The following CD163L1 variants were observed in gnomAD, a reference collection of about 807,000 sequenced individuals.
CD163L1 encodes the protein CD163 molecule like 1.
A neutral mutation model predicts 165.4 loss-of-function variants in CD163L1; 124 were observed. That is an observed-to-expected ratio of 0.75 (90% CI 0.65 to 0.87). CD163L1 has a LOEUF of 0.87. CD163L1 is among the 40% of genes least tolerant of loss of function. The probability of loss-of-function intolerance (pLI) is 0.00; values close to 1 mark genes in which losing one functional copy is unlikely to be tolerated. For missense variants in CD163L1, 1,525 were observed against 1,799.9 expected (o/e 0.85, Z 2.76); for synonymous variants, 585 against 662.2 (o/e 0.88, Z 1.79).
rs1176498743 is a variant in CD163L1 at position 7,400,893 on chromosome 12, A to G, written c.1409-2309T>C. Among the ~76,000 whole-genome samples, 1 of 152,124 alleles carries G rather than the reference A, an allele frequency of 6.6e-6. No individual in the cohort carries two copies. Among genetic ancestry groups the G allele is most frequent in the Non-Finnish European group, 1.5e-5 (1 of 68,022 alleles). The stretch of plus-strand genomic sequence containing the variant: ...GGGGGATTATGTATTTTATAAAGGG[A>G]CTCTATAAAATACACAGAGTTCTTA... On this transcript the variant is annotated intron_variant, in intron 6 of 19. Coordinates refer to ENST00000313599, the MANE Select transcript of CD163L1 (RefSeq NM_174941.6). This position sits in a 1 kb window ranked among gnomAD's most constrained non-coding sequence, Gnocchi z 4.1.
downstream of CD163L1, among the ~76,000 whole-genome samples, chr12:7,354,769 G>C (rs1177469829): frequency 1.3e-5 from 2 of 152,088 alleles, no homozygotes; most frequent in Admixed American, 6.6e-5. Context: ...ACTCACATAA[G>C]GGAAGGACAG....
At chr12:7,437,446 AT>A (rs1264213783) in intron 2 of CD163L1, among the ~76,000 whole-genome samples, 1 of 151,500 alleles carries the variant, frequency 6.6e-6, no homozygotes, top group African/African-American at 2.4e-5. Flanking sequence ...TTAACTTATC[AT>A]TTACATTAGG....
chr12:7,327,901 TA>T, the CD163L1 span, among the ~76,000 whole-genome samples: 1 of 152,044 alleles, frequency 6.6e-6, no homozygotes, highest in Non-Finnish European at 1.5e-5. Context: ...AAATTATCCC[TA>T]AAAATCTTCC....
intron 8 of CD163L1, among the ~76,000 whole-genome samples, chr12:7,391,804 A>G (rs1168819007): frequency 6.6e-6 from 1 of 152,196 alleles, no homozygotes; most frequent in Non-Finnish European, 1.5e-5. Context: ...CTTTAAACCA[A>G]CGAAGATCAA....
rs1430201873 is a variant in CD163L1, at chr12:7,369,197, T to A, written c.4039+160A>T. 3.9e-5 allele frequency among the ~76,000 whole-genome samples: 6 copies of A among 152,182 alleles called. No individual in the cohort carries two copies. ...GCTATTTTAGATAACAGTGGAACAT[T>A]ATCTTATTTAGTTGTGGAAAAACGT... On this transcript the variant is annotated intron_variant, in intron 15 of 19. Transcript: ENST00000313599. The surrounding 1 kb of genome is among the most constrained non-coding windows in gnomAD (Gnocchi z 4.9).
At chr12:7,386,618 A>C (rs1448413693) in intron 8 of CD163L1, among the ~76,000 whole-genome samples, 2 of 151,804 alleles carry the variant, frequency 1.3e-5, no homozygotes, top group African/African-American at 4.8e-5. Context: ...AAAAAAAAAA[A>C]AAACAGTATA....
chr12:7,345,132 CTTT>C (rs75576901), downstream of CD163L1, among the ~76,000 whole-genome samples: 8 of 138,988 alleles, frequency 5.8e-5, no homozygotes, highest in Admixed American at 1.4e-4. Context: ...ACTGATAATG[CTTT>C]TTTTTTTTTT....
chr12:7,416,700 T>C (rs961480277), intron 4 of CD163L1, among the ~76,000 whole-genome samples: 1 of 152,206 alleles, frequency 6.6e-6, no homozygotes, highest in African/African-American at 2.4e-5. Context: ...CTTGTTTTTG[T>C]CAGGTTTGTC....
In CD163L1 at chr12:7,406,769, C is replaced by T; in HGVS notation, c.850G>A (p.Gly284Arg). ...RVELKIQGRW[G>R]TVCHHKWNNA... ...TTCCACTTATGGTGGCATACGGTCC[C>T]CCACCTTCCTTGGATTTTCAGCTCT... is the stretch of plus-strand genomic sequence containing the variant. Residue 284 changes from glycine (G) to arginine (R), a missense_variant, in exon 5 of 20, where the codon GGG becomes AGG. Transcript: ENST00000313599. 1.2e-6 allele frequency: 2 copies of T among 1,613,932 alleles called. No homozygotes were observed. Among genetic ancestry groups the T allele is most frequent in the Non-Finnish European group, 1.7e-6 (2 of 1,179,942 alleles).
intron 8 of CD163L1, among the ~76,000 whole-genome samples, chr12:7,389,960 T>TTA (rs59235889): frequency 0.15 from 19,796 of 135,766 alleles, 1,642 homozygotes; most frequent in Admixed American, 0.28. Context: ...ATATATATAT[T>TTA]TATATATATA....
intron 2 of CD163L1, among the ~76,000 whole-genome samples, chr12:7,435,617 A>G (rs780591163): frequency 7.9e-5 from 12 of 152,068 alleles, no homozygotes; most frequent in Non-Finnish European, 1.2e-4. Flanking sequence ...ATATATTTGA[A>G]AATATATATA....
chr12:7,441,570 T>G (rs1302282173), intron 1 of CD163L1, among the ~76,000 whole-genome samples: 1 of 152,240 alleles, frequency 6.6e-6, no homozygotes, highest in Admixed American at 6.5e-5. Flanking sequence ...TAATTTTTAC[T>G]TCTCAACTCT....
chr12:7,424,251 G>A (rs1348388510), intron 4 of CD163L1, among the ~76,000 whole-genome samples: 2 of 148,188 alleles, frequency 1.3e-5, no homozygotes, highest in African/African-American at 5.0e-5. Flanking sequence ...AATAGATGCA[G>A]AAAAGGTCTT....
intron 8 of CD163L1, among the ~76,000 whole-genome samples, chr12:7,382,726 C>A (rs1010136138): frequency 2.0e-5 from 3 of 152,120 alleles, no homozygotes; most frequent in African/African-American, 7.2e-5. Context: ...ACCCCAAGAC[C>A]CAGGTAACTC....
At chr12:7,402,851 T>A (rs986030381) in intron 6 of CD163L1, among the ~76,000 whole-genome samples, 19 of 152,076 alleles carry the variant, frequency 1.2e-4, no homozygotes, top group Admixed American at 3.3e-4. Context: ...CCAAGTTGAT[T>A]GTGAATCTTG....
the CD163L1 span, among the ~76,000 whole-genome samples, chr12:7,340,031 G>A: frequency 6.6e-6 from 1 of 152,084 alleles, no homozygotes; most frequent in African/African-American, 2.4e-5. Context: ...TATGGAACCT[G>A]CCTCTCCAGT....
Position 7,433,522 on chromosome 12 carries a change from A to C in CD163L1, c.297T>G (p.Arg99=), listed in dbSNP as rs1948665057. Residue 99 remains arginine, a synonymous_variant, in exon 3 of 20, where the codon CGT becomes CGG. Coordinates refer to ENST00000313599, the MANE Select transcript of CD163L1 (RefSeq NM_174941.6). ...CATGTCTAGTCACGGCTTGTCCAAA[A>C]CGAAACATGGCGAAAGAAAATGGAC... ...LGCPFSFAMF[R]FGQAVTRHGK... 6.2e-7 allele frequency: 1 copy of C among 1,614,124 alleles called. No homozygotes were observed. The highest frequency in any genetic ancestry group is 8.5e-7 in the Non-Finnish European group (1 of 1,180,022).
the CD163L1 span, among the ~76,000 whole-genome samples, chr12:7,329,659 A>AAT: frequency 6.6e-6 from 1 of 152,030 alleles, no homozygotes; most frequent in Admixed American, 6.6e-5. Context: ...AGAAAAACCT[A>AAT]AAGGGGGAAA....
chr12:7,396,322 C>T lies in CD163L1; in HGVS notation c.1823G>A (p.Cys608Tyr). 1 of 1,614,204 alleles carries T rather than the reference C, an allele frequency of 6.2e-7. No individual in the cohort carries two copies. Among genetic ancestry groups the T allele is most frequent in the Non-Finnish European group, 8.5e-7 (1 of 1,180,034 alleles). ...AGCTTTACTGTTCCAGCCGTCATCA[C>T]ACACTGTGCCCCACCGTCCTTGAAA... The part of the protein sequence containing the change: ...VYFQGRWGTV[C>Y]DDGWNSKAAA... The change falls in exon 8 of 20, where the codon TGT becomes TAT. Residue 608 changes from cysteine to tyrosine, a missense_variant. Cys to Tyr is a radical substitution (Grantham distance 194, BLOSUM62 -2). Coordinates refer to ENST00000313599, the MANE Select transcript of CD163L1 (RefSeq NM_174941.6).
Sources: allele counts gnomAD v4.1 joint callset (sites outside exome capture counted in the v4.1 genomes callset), GRCh38; gene constraint gnomAD v4.1.1; non-coding constraint Gnocchi (gnomAD v3.1); transcripts MANE v1.5; gene names NCBI Gene and HGNC (gene_info 2026-07-23, HGNC 2026-07-21).